Variants in AIG1 observed in about 807,000 individuals in gnomAD.
AIG1 encodes the protein androgen induced 1.
Under a neutral mutation model 31.4 loss-of-function variants are expected in AIG1, and 23 were observed. The ratio of observed to expected loss-of-function variants is 0.73; its 90% CI spans 0.53 to 1.04. The LOEUF (loss-of-function observed/expected upper bound fraction) is 1.04, where lower values mean the gene tolerates loss of function less well. Among genes scored for constraint, AIG1 ranks in the 50% least tolerant of loss-of-function variants. The probability of loss-of-function intolerance (pLI) is 0.00; values close to 1 mark genes in which losing one functional copy is unlikely to be tolerated. For synonymous variants in AIG1, 100 were observed against 110.5 expected, an observed-to-expected ratio of 0.90 and a Z score of 0.60; for missense variants, 274 against 295.0, an observed-to-expected ratio of 0.93 and a Z score of 0.52.
chr6:143,182,992 T>C (rs961477892), intron 3 of AIG1, among the ~76,000 whole-genome samples: 1 of 152,242 alleles, frequency 6.6e-6, no homozygotes, highest in Non-Finnish European at 1.5e-5. Flanking sequence ...ACACATGACC[T>C]GCTGTTCCCA....
intron 3 of AIG1, among the ~76,000 whole-genome samples, chr6:143,220,964 C>T (rs1372983812): frequency 6.6e-6 from 1 of 152,072 alleles, no homozygotes; most frequent in African/African-American, 2.4e-5. Flanking sequence ...TAAGAATGGA[C>T]TTGGGGTCTG....
intron 1 of AIG1, among the ~76,000 whole-genome samples, chr6:143,132,006 C>T (rs1783288221): frequency 6.6e-6 from 1 of 152,156 alleles, no homozygotes; most frequent in Non-Finnish European, 1.5e-5. Context: ...TAATATTATA[C>T]AACTTTATGT....
intron 1 of AIG1, among the ~76,000 whole-genome samples, chr6:143,073,602 T>C (rs999031802): frequency 1.3e-5 from 2 of 152,128 alleles, no homozygotes; most frequent in Non-Finnish European, 2.9e-5. Context: ...CTCATAGTGG[T>C]TTTGGTTTTC....
chr6:143,079,079 G>A (rs574349153), intron 1 of AIG1, among the ~76,000 whole-genome samples: 7 of 152,178 alleles, frequency 4.6e-5, no homozygotes, highest in Middle Eastern at 3.4e-3. Context: ...GAGGCAGCAG[G>A]AGAAAAGAGA....
intron 3 of AIG1, among the ~76,000 whole-genome samples, chr6:143,196,314 C>T (rs1220131071): frequency 1.3e-5 from 2 of 150,250 alleles, no homozygotes; most frequent in African/African-American, 4.9e-5. Flanking sequence ...CCATTTGTGC[C>T]TTCTCATTTG....
chr6:143,126,445 C>T (rs1402121295), intron 1 of AIG1: 2 of 152,118 alleles, frequency 1.3e-5, no homozygotes, highest in Non-Finnish European at 2.9e-5. Context: ...CACTGTCTCA[C>T]GGGGATGAAG....
chr6:143,095,434 TG>T (rs1480755959), intron 1 of AIG1, among the ~76,000 whole-genome samples: 1 of 152,186 alleles, frequency 6.6e-6, no homozygotes, highest in Non-Finnish European at 1.5e-5. Flanking sequence ...TTTAAAATAA[TG>T]ATCAGCTATC....
intron 1 of AIG1, among the ~76,000 whole-genome samples, chr6:143,110,909 C>G (rs1781222338): frequency 6.6e-6 from 1 of 152,096 alleles, no homozygotes; most frequent in Non-Finnish European, 1.5e-5. Flanking sequence ...AGCAAATGAC[C>G]ATTCTAAACA....
intron 3 of AIG1, chr6:143,188,021 G>T: frequency 9.1e-7 from 1 of 1,099,588 alleles, no homozygotes; most frequent in Non-Finnish European, 1.1e-6. Flanking sequence ...TACCACTTTT[G>T]TTTCTTTTAG....
At chr6:143,220,902 T>C (rs1289532955) in intron 3 of AIG1, among the ~76,000 whole-genome samples, 1 of 152,174 alleles carries the variant, frequency 6.6e-6, no homozygotes, top group Non-Finnish European at 1.5e-5. Context: ...TATCCCTCTA[T>C]AACAAACACA....
At chr6:143,269,701 A>G (rs1002150841) in intron 3 of AIG1, among the ~76,000 whole-genome samples, 3 of 152,250 alleles carry the variant, frequency 2.0e-5, no homozygotes, top group African/African-American at 7.2e-5. Flanking sequence ...ATAATATTGA[A>G]CAAAAGCAGC....
rs971701712 is a variant in AIG1 at position 143,138,910 on chromosome 6, A to AT, written c.297+1920_297+1921insT. On this transcript the variant is annotated intron_variant, in intron 2 of 5. Coordinates refer to ENST00000357847, the MANE Select transcript of AIG1 (RefSeq NM_016108.4). ...TCTGTCTCAAAAAAAAAAAAAAAAA[A>AT]AGTAAACATGAGTATAGTGTTAACA... Among the ~76,000 whole-genome samples, 34 of 151,808 alleles carry AT rather than the reference A, an allele frequency of 2.2e-4. No individual in the cohort carries two copies. In the South Asian group the frequency reaches 4.4e-3, roughly 19 times the overall value.
At chr6:143,117,880 C>T (rs1781875702) in intron 1 of AIG1, among the ~76,000 whole-genome samples, 1 of 152,150 alleles carries the variant, frequency 6.6e-6, no homozygotes, top group Non-Finnish European at 1.5e-5. Context: ...CCTCCAAAAA[C>T]ATTGTGTTTG....
In AIG1 at chr6:143,292,530, C is replaced by A. The variant is rs1798124922; in HGVS notation, c.515+8305C>A. On this transcript the variant is annotated intron_variant, in intron 4 of 5. Transcript: ENST00000357847. The surrounding 1 kb of genome is among the most constrained non-coding windows in gnomAD (Gnocchi z 4.9). ...GAAAAAGGCAAGGAAAGGGATTCTC[C>A]CCTAGGGCTTCCAGAAAGGAACTCA... Among the ~76,000 whole-genome samples, 1 of 152,102 alleles carries A rather than the reference C, an allele frequency of 6.6e-6. No individual in the cohort carries two copies. Among genetic ancestry groups the A allele is most frequent in the South Asian group, 2.1e-4 (1 of 4,820 alleles).
chr6:143,287,737 TAAAAAAAAAA>T (rs59551903), intron 4 of AIG1, among the ~76,000 whole-genome samples: 4 of 78,052 alleles, frequency 5.1e-5, no homozygotes, highest in Admixed American at 1.6e-4. Flanking sequence ...CTGACTACAG[TAAAAAAAAAA>T]AAAAAAAAAA....
At chr6:143,170,491 G>T (rs1787394849) in intron 3 of AIG1, among the ~76,000 whole-genome samples, 1 of 151,580 alleles carries the variant, frequency 6.6e-6, no homozygotes, top group Non-Finnish European at 1.5e-5. Context: ...CAGTTGTAAT[G>T]TCTCCTTTTC....
rs77625466 is a variant in AIG1 at position 143,268,842 on chromosome 6, A to G, written c.400-15268A>G. Reference sequence around the variant, plus strand: ...TTCCCCAGCAGGTGGGAGTGCCGTCAGTTTCAGCCCTCTGCTCTAAGCCCT... The same window carrying G: ...TTCCCCAGCAGGTGGGAGTGCCGTCGGTTTCAGCCCTCTGCTCTAAGCCCT... On this transcript the variant is annotated intron_variant, in intron 3 of 5. Transcript: ENST00000357847. This position sits in a 1 kb window ranked among gnomAD's most constrained non-coding sequence, Gnocchi z 5.0. 3.9e-5 allele frequency among the ~76,000 whole-genome samples: 6 copies of G among 152,300 alleles called. No individual in the cohort carries two copies. In the East Asian group the frequency reaches 1.2e-3, roughly 29 times the overall value.
intron 3 of AIG1, among the ~76,000 whole-genome samples, chr6:143,218,609 G>A (rs1307923336): frequency 3.9e-5 from 6 of 152,078 alleles, no homozygotes; most frequent in East Asian, 1.9e-4. Context: ...TAAAGTATCC[G>A]GGTGGTATCC....
chr6:143,129,048 T>C (rs1476376011), intron 1 of AIG1, among the ~76,000 whole-genome samples: 1 of 152,156 alleles, frequency 6.6e-6, no homozygotes, highest in Non-Finnish European at 1.5e-5. Flanking sequence ...TCCCAGCATT[T>C]TGGGAGGCCG....
Sources: gnomAD v4.1 joint callset for allele counts (sites outside exome capture counted in the v4.1 genomes callset) on GRCh38, gnomAD v4.1.1 for gene constraint, Gnocchi (gnomAD v3.1) non-coding constraint, MANE v1.5 for transcripts, NCBI Gene and HGNC (gene_info 2026-07-23, HGNC 2026-07-21) for gene names.